SMG1: variants seen among roughly 807,000 people sequenced by gnomAD.
SMG1 encodes serine/threonine-protein kinase SMG1.
In SMG1, 22 loss-of-function variants were observed where a neutral mutation model predicts 419.9. The ratio of observed to expected loss-of-function variants is 0.05; its 90% CI spans 0.04 to 0.07. SMG1 has a LOEUF of 0.07. SMG1 is among the 10% of genes least tolerant of loss of function. SMG1 has a pLI of 1.00. For missense variants in SMG1, 3,185 were observed against 4,342.0 expected, an observed-to-expected ratio of 0.73 and a Z score of 7.49; for synonymous variants, 1,538 against 1,553.5, an observed-to-expected ratio of 0.99 and a Z score of 0.23.
rs148674318 is a variant in SMG1 at position 18,903,591 on chromosome 16, T to C, written c.93-6635A>G. On this transcript the variant is annotated intron_variant, in intron 1 of 62. Transcript: ENST00000446231. ...CATTTTAGCTCCTAACAAGAGCTAG[T>C]GGGCAACTGATCCAAGCAGTTTACA... Among the ~76,000 whole-genome samples, 526 of 152,332 alleles carry C rather than the reference T, an allele frequency of 3.5e-3. 20 individuals carry two copies. The East Asian group carries it at 0.084, about 24-fold the overall frequency.
chr16:18,831,026 T>A (rs943501991), intron 51 of SMG1, among the ~76,000 whole-genome samples: 4 of 152,208 alleles, frequency 2.6e-5, no homozygotes, highest in African/African-American at 9.7e-5. Flanking sequence ...TTGTCAGGTA[T>A]GTTCGCACTA....
At position 18,891,905 on chromosome 16, in the gene SMG1, T is replaced by G. The variant is rs534330745; in HGVS notation, c.549+313A>C. Among the ~76,000 whole-genome samples, 3 of 152,304 alleles carry G rather than the reference T, an allele frequency of 2.0e-5. No homozygotes were observed. In the South Asian group the frequency reaches 6.2e-4, roughly 32 times the overall value. ...GCAACCCTGAATTCCTGGGCTCAAG[T>G]GATTCTTCCACCTCAGCCAGGTGTA... On this transcript the variant is annotated intron_variant, in intron 4 of 62. Coordinates refer to ENST00000446231, the MANE Select transcript of SMG1 (RefSeq NM_015092.5).
intron 59 of SMG1, 55 bp downstream of exon 59, chr16:18,815,385 A>G: frequency 6.3e-7 from 1 of 1,579,898 alleles, no homozygotes; most frequent in Non-Finnish European, 8.7e-7. Flanking sequence ...TAAACTTCTT[A>G]TACCAGTAGT....
chr16:18,882,039 TATACATAC>T (rs138410515), intron 10 of SMG1, 118 bp downstream of exon 10: 7 of 571,338 alleles, frequency 1.2e-5, no homozygotes, highest in South Asian at 1.2e-4. Context: ...TATATACATA[TATACATAC>T]ATACATACAT....
intron 6 of SMG1, among the ~76,000 whole-genome samples, chr16:18,887,074 A>C (rs1219406136): frequency 2.0e-5 from 3 of 152,330 alleles, no homozygotes; most frequent in African/African-American, 7.2e-5. Context: ...GATGCTCAAC[A>C]AAGTGTGTGA....
chr16:18,859,113 G>C lies in SMG1; in HGVS notation c.4022C>G (p.Thr1341Arg). ...AIGPLRLSTL[T>R]VSQSLPVLST... ...TAGAACTGGCAAAGACTGTGAAACT[G>C]TTAAAGTAGAAAGTCTCAGAGGTCC... The change falls in exon 28 of 63, where the codon ACA (threonine) becomes AGA (arginine). Residue 1341 changes from threonine to arginine, a missense_variant. Physicochemically the swap from Thr to Arg is moderately conservative, Grantham distance 71 (BLOSUM62 -1). Coordinates refer to ENST00000446231, the MANE Select transcript of SMG1 (RefSeq NM_015092.5). 1 of 1,529,486 alleles carries C rather than the reference G, an allele frequency of 6.5e-7. No homozygotes were observed. Among genetic ancestry groups the C allele is most frequent in the Non-Finnish European group, 8.8e-7 (1 of 1,141,230 alleles). 94.7% of individuals were successfully genotyped at this position (1,529,486 alleles called of 1,614,324 possible). A position where few individuals can be genotyped will look rare whatever the true frequency, so the allele number is the denominator to read the frequency against.
At chr16:18,897,270 A>G (rs1299351569) in intron 1 of SMG1, among the ~76,000 whole-genome samples, 5 of 152,140 alleles carry the variant, frequency 3.3e-5, no homozygotes, top group Non-Finnish European at 5.9e-5. Context: ...GGCAAAACAG[A>G]ACAATTGGTT....
intron 1 of SMG1, among the ~76,000 whole-genome samples, chr16:18,914,462 CA>C (rs758964809): frequency 6.6e-6 from 1 of 151,828 alleles, no homozygotes; most frequent in Non-Finnish European, 1.5e-5. Context: ...ATTTCCTCCT[CA>C]CCTAAGGTCA....
At chr16:18,845,289 T>C (rs2034193859) in intron 39 of SMG1, 140 bp downstream of exon 39, 1 of 667,132 alleles carries the variant, frequency 1.5e-6, no homozygotes, top group African/African-American at 1.8e-5. Context: ...ATGTTCCTTA[T>C]AAGCAACTGG....
At chr16:18,836,615 C>A (rs1403586987) in intron 46 of SMG1, 83 bp from the exon 47 acceptor site, 4 of 1,426,442 alleles carry the variant, frequency 2.8e-6, no homozygotes, top group Non-Finnish European at 3.9e-6. Flanking sequence ...TGTGCTCACA[C>A]ATGGACTGTC....
chr16:18,916,783 A>T (rs1432767515), intron 1 of SMG1, among the ~76,000 whole-genome samples: 1 of 152,124 alleles, frequency 6.6e-6, no homozygotes, highest in African/African-American at 2.4e-5. Context: ...AAAGACAGGT[A>T]ACCAAAATAA....
intron 48 of SMG1, 141 bp from the exon 49 acceptor site, chr16:18,835,305 T>A: frequency 2.1e-6 from 2 of 937,118 alleles, no homozygotes; most frequent in Non-Finnish European, 3.1e-6. Context: ...CTCAAGAGCT[T>A]AAGCAATTTC....
chr16:18,900,295 C>T (rs2037296431), intron 1 of SMG1, among the ~76,000 whole-genome samples: 1 of 152,110 alleles, frequency 6.6e-6, no homozygotes, highest in African/African-American at 2.4e-5. Flanking sequence ...ATACAAATCA[C>T]ATGCAAATAT....
chr16:18,841,822 G>A (rs2033944129), intron 40 of SMG1, 28 bp from the exon 41 acceptor site: 2 of 1,587,946 alleles, frequency 1.3e-6, no homozygotes, highest in Non-Finnish European at 1.7e-6. Flanking sequence ...AAATAGCTAG[G>A]ATAGGTGATT....
chr16:18,901,878 G>A (rs1431785968), intron 1 of SMG1, among the ~76,000 whole-genome samples: 1 of 148,912 alleles, frequency 6.7e-6, no homozygotes, highest in African/African-American at 2.5e-5. Flanking sequence ...TCAGGAGGCT[G>A]AGGTTTCAGT....
intron 6 of SMG1, among the ~76,000 whole-genome samples, chr16:18,887,034 G>T (rs1289459153): frequency 6.6e-6 from 1 of 152,096 alleles, no homozygotes; most frequent in African/African-American, 2.4e-5. Context: ...AACATTATGG[G>T]GTGAACTGTC....
Position 18,926,075 on chromosome 16 carries a change from C to T in SMG1, c.-34G>A. ...CCGACACGACATGGCCAAGCGCCGC[C>T]GCCCAAAGAAGCGCGAGTCGCCGCC... On this transcript the variant is annotated 5_prime_UTR_variant, in exon 1 of 63. Transcript: ENST00000446231. The T allele has an allele frequency of 3.9e-6, 6 of 1,532,318 alleles. No individual in the cohort carries two copies. In the South Asian group the frequency reaches 7.2e-5, roughly 18 times the overall value. The allele number at this position is 1,532,318 out of a possible 1,614,324, so 94.9% of individuals were successfully genotyped here. A position where few individuals can be genotyped will look rare whatever the true frequency, so the allele number is the denominator to read the frequency against.
At chr16:18,922,587 C>T (rs2038237638) in intron 1 of SMG1, among the ~76,000 whole-genome samples, 1 of 152,296 alleles carries the variant, frequency 6.6e-6, no homozygotes, top group East Asian at 1.9e-4. Context: ...GCCTCAGCCT[C>T]CCGAGTAACT....
chr16:18,896,550 A>T (rs531759162), intron 2 of SMG1, among the ~76,000 whole-genome samples: 1 of 152,326 alleles, frequency 6.6e-6, no homozygotes, highest in South Asian at 2.1e-4. Flanking sequence ...TAAAAACAAA[A>T]ATAGTATTGT....
Sources: allele counts gnomAD v4.1 joint callset (sites outside exome capture counted in the v4.1 genomes callset), GRCh38; gene constraint gnomAD v4.1.1; transcripts MANE v1.5; gene names NCBI Gene and HGNC (gene_info 2026-07-23, HGNC 2026-07-21).